The following GSE1 variants were observed in gnomAD, a reference collection of about 807,000 sequenced individuals.
The protein encoded by GSE1 is Gse1 coiled-coil protein, also known as genetic suppressor element 1.
In GSE1, 32 loss-of-function variants were observed where a neutral mutation model predicts 112.6. That is an observed-to-expected ratio of 0.28 (90% CI 0.21 to 0.38). The LOEUF (loss-of-function observed/expected upper bound fraction) is 0.38, where lower values mean the gene tolerates loss of function less well. GSE1 is among the 10% of genes least tolerant of loss of function. The pLI is 1.00. For missense variants in GSE1, 2,348 were observed against 1,699.2 expected, an observed-to-expected ratio of 1.38 and a Z score of -6.71; for synonymous variants, 1,115 against 735.6, an observed-to-expected ratio of 1.52 and a Z score of -8.35.
chr16:85,550,099 A>G (rs112694691), intron 2 of GSE1, among the ~76,000 whole-genome samples: 6 of 152,166 alleles, frequency 3.9e-5, no homozygotes, highest in Non-Finnish European at 7.3e-5. Context: ...CCTGGAGTGC[A>G]GGGGTGATTC....
At chr16:85,464,505 G>A (rs570273598) in intron 2 of GSE1, among the ~76,000 whole-genome samples, 102 of 152,328 alleles carry the variant, frequency 6.7e-4, no homozygotes, top group South Asian at 1.0e-3. Flanking sequence ...GGAGGGCCTC[G>A]GCAGCCCCCA....
At chr16:85,644,409 C>G (rs1477016415) in intron 2 of GSE1, among the ~76,000 whole-genome samples, 1 of 151,860 alleles carries the variant, frequency 6.6e-6, no homozygotes, top group East Asian at 1.9e-4. Flanking sequence ...TGGGCCCAGC[C>G]TGTATGCCAC....
chr16:85,210,878 T>C (rs1220332188), intron 1 of GSE1, among the ~76,000 whole-genome samples: 1 of 152,218 alleles, frequency 6.6e-6, no homozygotes, highest in African/African-American at 2.4e-5. Flanking sequence ...TGGACTCTTC[T>C]TCTGGCCAAG....
chr16:85,469,653 G>A (rs183400794), intron 2 of GSE1, among the ~76,000 whole-genome samples: 3 of 152,284 alleles, frequency 2.0e-5, no homozygotes, highest in Non-Finnish European at 4.4e-5. Flanking sequence ...AGTACTGTGG[G>A]GCATAGCTTT....
Position 85,666,362 on chromosome 16 carries a change from A to T in GSE1, c.3130+15A>T. ...GAAGCATAAAGGTAATGAGGCTGCCAGTCCCTGCTCAGCTCTCGGCTGTGG... is the reference window on the plus strand; with the variant it reads ...GAAGCATAAAGGTAATGAGGCTGCCTGTCCCTGCTCAGCTCTCGGCTGTGG... On this transcript the variant is annotated intron_variant, in intron 13 of 15. Coordinates refer to ENST00000253458, the MANE Select transcript of GSE1 (RefSeq NM_014615.5). The T allele has an allele frequency of 6.2e-7, 1 of 1,613,038 alleles. No homozygotes were observed. The highest frequency in any genetic ancestry group is 8.5e-7 in the Non-Finnish European group (1 of 1,179,948).
At chr16:85,416,839 T>C (rs2151728551) in intron 2 of GSE1, among the ~76,000 whole-genome samples, 1 of 152,282 alleles carries the variant, frequency 6.6e-6, no homozygotes, top group South Asian at 2.1e-4. Context: ...TTTCTTGTTT[T>C]GTTTTTTGTT....
chr16:85,280,346 G>A (rs78268862), intron 1 of GSE1, among the ~76,000 whole-genome samples: 8,472 of 152,188 alleles, frequency 0.056, 750 homozygotes, highest in African/African-American at 0.19. Context: ...GATTCCACCC[G>A]TGGAATGCAC....
chr16:85,272,777 C>CTTTTT (rs1204820536), intron 1 of GSE1, among the ~76,000 whole-genome samples: 2 of 131,414 alleles, frequency 1.5e-5, no homozygotes, highest in South Asian at 2.4e-4. Context: ...CTTCTCTTTT[C>CTTTTT]TTTTTTTTTT....
At chr16:85,280,689 C>G (rs568101371) in intron 1 of GSE1, among the ~76,000 whole-genome samples, 1 of 152,376 alleles carries the variant, frequency 6.6e-6, no homozygotes, top group African/African-American at 2.4e-5. Context: ...AGCCACAGCA[C>G]CCGGCCACAT....
intron 1 of GSE1, among the ~76,000 whole-genome samples, chr16:85,173,743 C>T (rs1368375003): frequency 4.6e-5 from 7 of 152,142 alleles, no homozygotes; most frequent in African/African-American, 1.2e-4. Flanking sequence ...CTGATAAGAA[C>T]GCCAGGAAAC....
At chr16:85,537,070 C>T (rs1301567840) in intron 2 of GSE1, among the ~76,000 whole-genome samples, 1 of 152,228 alleles carries the variant, frequency 6.6e-6, no homozygotes, top group African/African-American at 2.4e-5. Context: ...CAGGAAGGCT[C>T]CAGTGAAGCC....
At chr16:85,665,853 G>A (rs1448149856) in intron 12 of GSE1, 123 bp from the exon 13 acceptor site, 1 of 886,252 alleles carries the variant, frequency 1.1e-6, no homozygotes, top group African/African-American at 1.7e-5. Context: ...ATGTTCCCCG[G>A]GTCTTGGTTC....
rs1052226445 is a variant in GSE1 at position 85,373,169 on chromosome 16, G to A, written c.2464+15526G>A. ...GCAGCCAATGTGGCCATGGGATGCCGGCTCCTTGTCCACCAGGGTGGGTGC... is the reference window on the plus strand; with the variant it reads ...GCAGCCAATGTGGCCATGGGATGCCAGCTCCTTGTCCACCAGGGTGGGTGC... On this transcript the variant is annotated intron_variant, in intron 2 of 2. Transcript: ENST00000637419. This position sits in a 1 kb window ranked among gnomAD's most constrained non-coding sequence, Gnocchi z 5.1. 4.6e-5 allele frequency among the ~76,000 whole-genome samples: 7 copies of A among 152,350 alleles called. No homozygotes were observed. The highest frequency in any genetic ancestry group is 1.9e-4 in the East Asian group (1 of 5,178).
chr16:85,653,223 T>C (rs1188733759), intron 3 of GSE1, among the ~76,000 whole-genome samples: 1 of 30 alleles, frequency 0.033, no homozygotes, highest in African/African-American at 0.062. Flanking sequence ...CTCCCCCTCC[T>C]CCTCCTCCTC....
rs186824313 is a variant in GSE1, at chr16:85,341,499, A to G, written c.2284-15964A>G. On this transcript the variant is annotated intron_variant, in intron 1 of 2. Transcript: ENST00000637419. ...ATGATGAAACCCCGTCTCTACTAAA[A>G]ATACAAAAATTAGCTGGGCTTGGTG... Among the ~76,000 whole-genome samples the G allele has an allele frequency of 2.3e-4, 35 of 152,256 alleles. No homozygotes were observed. The East Asian group carries it at 6.4e-3, about 28-fold the overall frequency.
At chr16:85,386,290 C>T (rs907829735) in intron 2 of GSE1, among the ~76,000 whole-genome samples, 6 of 152,218 alleles carry the variant, frequency 3.9e-5, no homozygotes, top group African/African-American at 7.2e-5. Flanking sequence ...CCAGGATGGA[C>T]GGCTGACTCT....
intron 1 of GSE1, among the ~76,000 whole-genome samples, chr16:85,230,189 G>C (rs915033450): frequency 5.3e-5 from 8 of 152,174 alleles, no homozygotes; most frequent in African/African-American, 1.9e-4. Context: ...GTCTTGTCTG[G>C]CCTCCTTTAA....
intron 2 of GSE1, among the ~76,000 whole-genome samples, chr16:85,644,098 C>CG (rs956407322): frequency 2.6e-5 from 4 of 152,170 alleles, no homozygotes; most frequent in Admixed American, 1.3e-4. Flanking sequence ...GCAACTGAGG[C>CG]GGGAGGATCG....
chr16:85,400,735 CTCTG>C (rs2048089916), intron 2 of GSE1, among the ~76,000 whole-genome samples: 1 of 146,600 alleles, frequency 6.8e-6, no homozygotes, highest in Non-Finnish European at 1.5e-5. Context: ...TGTGGTGTGT[CTCTG>C]TATGTGGTTG....
Sources: gnomAD v4.1 joint callset for allele counts (sites outside exome capture counted in the v4.1 genomes callset) on GRCh38, gnomAD v4.1.1 for gene constraint, Gnocchi (gnomAD v3.1) non-coding constraint, MANE v1.5 for transcripts, NCBI Gene and HGNC (gene_info 2026-07-23, HGNC 2026-07-21) for gene names.